Variants in ARHGAP31 observed in about 807,000 individuals in gnomAD.
The protein encoded by ARHGAP31 is rho GTPase-activating protein 31.
ARHGAP31 carries 34 observed loss-of-function variants against 113.9 expected under a neutral mutation model. The ratio of observed to expected loss-of-function variants is 0.30; its 90% CI spans 0.23 to 0.40. The LOEUF (loss-of-function observed/expected upper bound fraction) is 0.40. Among genes scored for constraint, ARHGAP31 ranks in the 10% least tolerant of loss-of-function variants. The pLI is 1.00. For synonymous variants in ARHGAP31, 650 were observed against 684.8 expected, an observed-to-expected ratio of 0.95 and a Z score of 0.79; for missense variants, 1,548 against 1,767.1, an observed-to-expected ratio of 0.88 and a Z score of 2.22.
At chr3:119,352,506 G>A (rs73187858) in intron 1 of ARHGAP31, among the ~76,000 whole-genome samples, 7,504 of 152,212 alleles carry the variant, frequency 0.049, 247 homozygotes, top group Middle Eastern at 0.088. Context: ...TTCCCCTTTC[G>A]TTGACGAACC....
At chr3:119,378,561 TACA>T (rs1160043575) in intron 3 of ARHGAP31, among the ~76,000 whole-genome samples, 1 of 152,218 alleles carries the variant, frequency 6.6e-6, no homozygotes, top group African/African-American at 2.4e-5. Flanking sequence ...GGGTTAGTGG[TACA>T]ACGTTTGTGA....
chr3:119,365,412 G>C lies in ARHGAP31; in HGVS notation c.197G>C (p.Arg66Pro). ...TCAGGAGTCACCTCAAACATACAAC[G>C]GCTAAGGTAAGCTAAAAGAATAGCC... Reference protein sequence around the residue: ...RLSGVTSNIQRLRQEFGSDQC... With the variant: ...RLSGVTSNIQPLRQEFGSDQC... Residue 66 changes from arginine to proline, a missense_variant, in exon 2 of 12, where the codon CGG (arginine) becomes CCG (proline). Arg to Pro is a moderately radical substitution (Grantham distance 103, BLOSUM62 -2). Coordinates refer to ENST00000264245, the MANE Select transcript of ARHGAP31 (RefSeq NM_020754.4). The C allele has an allele frequency of 2.5e-6, 4 of 1,613,418 alleles. No homozygotes were observed. Among genetic ancestry groups the C allele is most frequent in the Non-Finnish European group, 3.4e-6 (4 of 1,179,558 alleles).
rs1366265152 is a variant in ARHGAP31 at position 119,410,282 on chromosome 3, AC to A, written c.1926+508del. ...AAAATACAATGCTGGAGCTGACTAAACCTTGTCTACTTTTTAGAGGTGGAAT... is the reference window on the plus strand; with the variant it reads ...AAAATACAATGCTGGAGCTGACTAAACTTGTCTACTTTTTAGAGGTGGAAT... On this transcript the variant is annotated intron_variant, in intron 11 of 11. Coordinates refer to ENST00000264245, the MANE Select transcript of ARHGAP31 (RefSeq NM_020754.4). 2.6e-5 allele frequency among the ~76,000 whole-genome samples: 4 copies of A among 152,272 alleles called. No individual in the cohort carries two copies. The South Asian group carries it at 6.2e-4, about 24-fold the overall frequency.
At chr3:119,328,717 TGCAACCTCCGCCTCCTGAGTTCAA>T (rs1234548803) in intron 1 of ARHGAP31, among the ~76,000 whole-genome samples, 1 of 152,094 alleles carries the variant, frequency 6.6e-6, no homozygotes, top group Non-Finnish European at 1.5e-5. Context: ...CTTGGCTCAC[TGCAACCTCCGCCTCCTGAGTTCAA>T]GCGATTCTCC....
chr3:119,345,817 A>G (rs1214605234), intron 1 of ARHGAP31, among the ~76,000 whole-genome samples: 7 of 152,180 alleles, frequency 4.6e-5, no homozygotes, highest in Non-Finnish European at 8.8e-5. Flanking sequence ...GGGCCATTCA[A>G]TGAGCTCTGT....
chr3:119,339,374 T>C (rs1489806784), intron 1 of ARHGAP31, among the ~76,000 whole-genome samples: 1 of 152,180 alleles, frequency 6.6e-6, no homozygotes, highest in Non-Finnish European at 1.5e-5. Flanking sequence ...GCAATTCTTA[T>C]CAAAATCCCA....
chr3:119,416,343 G>A lies in ARHGAP31; in HGVS notation c.*79G>A. 1 of 1,595,442 alleles carries A rather than the reference G, an allele frequency of 6.3e-7. No individual in the cohort carries two copies. The highest frequency in any genetic ancestry group is 1.1e-5 in the South Asian group (1 of 90,008). The stretch of plus-strand genomic sequence containing the variant: ...TACAGGGCCAGCTTGCCATATTCCA[G>A]GCACACGTTATCAAGTTTGGGCCTA... On this transcript the variant is annotated 3_prime_UTR_variant, in exon 12 of 12. Coordinates refer to ENST00000264245, the MANE Select transcript of ARHGAP31 (RefSeq NM_020754.4).
intron 1 of ARHGAP31, among the ~76,000 whole-genome samples, chr3:119,324,485 T>C (rs775089952): frequency 1.3e-5 from 2 of 152,176 alleles, no homozygotes; most frequent in Non-Finnish European, 1.5e-5. Context: ...AATAAAAAAT[T>C]AGCAGTCCTA....
rs765739831 is a variant in ARHGAP31, at chr3:119,415,141, G to A, written c.3212G>A (p.Ser1071Asn). Residue 1071 changes from serine (S) to asparagine (N), a missense_variant, in exon 12 of 12, where the codon AGT becomes AAT. By Grantham distance (46) the Ser-to-Asn change is conservative (BLOSUM62 1). Transcript: ENST00000264245. ...CCTGGGCCAGAGAGCAGCAAGGAGA[G>A]TTCACCCAGCGTGCAGGACAGCACT... ...GVPGPESSKESSPSVQDSTSP... is the reference protein window; with the variant it reads ...GVPGPESSKENSPSVQDSTSP... 4 of 1,614,186 alleles carry A rather than the reference G, an allele frequency of 2.5e-6. No individual in the cohort carries two copies. Among genetic ancestry groups the A allele is most frequent in the Non-Finnish European group, 3.4e-6 (4 of 1,180,036 alleles).
chr3:119,314,577 TGGA>T (rs942005377), intron 1 of ARHGAP31: 2 of 152,038 alleles, frequency 1.3e-5, no homozygotes, highest in African/African-American at 4.8e-5. Flanking sequence ...GAGGTGGAGG[TGGA>T]GGAGTGTGTT....
intron 3 of ARHGAP31, among the ~76,000 whole-genome samples, chr3:119,378,017 C>T (rs939572216): frequency 6.6e-6 from 1 of 152,076 alleles, no homozygotes; most frequent in East Asian, 1.9e-4. Context: ...AGGGTCCTAC[C>T]ACAGAGGACA....
At chr3:119,302,223 T>C (rs7625392) in intron 1 of ARHGAP31, among the ~76,000 whole-genome samples, 45,590 of 152,110 alleles carry the variant, frequency 0.3, 7,672 homozygotes, top group African/African-American at 0.46. Context: ...TCAGTGAGGG[T>C]CACAGCCTGC....
At chr3:119,296,254 GA>G (rs2079532884) in intron 1 of ARHGAP31, among the ~76,000 whole-genome samples, 1 of 152,216 alleles carries the variant, frequency 6.6e-6, no homozygotes, top group Non-Finnish European at 1.5e-5. Flanking sequence ...GTGTCATTAG[GA>G]CAAATAGCTT....
intron 1 of ARHGAP31, among the ~76,000 whole-genome samples, chr3:119,328,101 T>A (rs1007984593): frequency 9.2e-5 from 14 of 152,128 alleles, no homozygotes; most frequent in Non-Finnish European, 1.8e-4. Context: ...AAATCAGATT[T>A]AAAAAAAATT....
chr3:119,348,472 G>A (rs114206167), intron 1 of ARHGAP31, among the ~76,000 whole-genome samples: 2,479 of 152,074 alleles, frequency 0.016, 73 homozygotes, highest in African/African-American at 0.056. Context: ...GTAATCCTTC[G>A]TATCATCTTC....
chr3:119,409,606 G>A lies in ARHGAP31; in HGVS notation c.1756G>A (p.Glu586Lys), dbSNP rs1232621924. 3 of 1,613,914 alleles carry A rather than the reference G, an allele frequency of 1.9e-6. No homozygotes were observed. Among genetic ancestry groups the A allele is most frequent in the Non-Finnish European group, 2.5e-6 (3 of 1,179,956 alleles). ...LSQEPGAHLE[E>K]KKTPESSLSS... is the part of the protein sequence containing the mutation. The stretch of plus-strand genomic sequence containing the variant: ...CCAGGAGCCAGGCGCCCACCTGGAG[G>A]AGAAGAAAACCCCAGAAAGCTCCTT... Residue 586 changes from glutamate to lysine, a missense_variant, in exon 11 of 12, where the codon GAG (glutamate) becomes AAG (lysine). Physicochemically the swap from Glu to Lys is moderately conservative, Grantham distance 56. Coordinates refer to ENST00000264245, the MANE Select transcript of ARHGAP31 (RefSeq NM_020754.4).
chr3:119,356,193 C>T (rs2080156005), intron 1 of ARHGAP31, among the ~76,000 whole-genome samples: 1 of 152,224 alleles, frequency 6.6e-6, no homozygotes. Flanking sequence ...CTCTCTCTTA[C>T]TCAAAGGGCT....
intron 9 of ARHGAP31, 47 bp from the exon 10 acceptor site, chr3:119,401,775 G>T (rs2080610008): frequency 5.0e-6 from 8 of 1,586,878 alleles, no homozygotes; most frequent in Admixed American, 1.7e-5. Context: ...GCCTGCTATT[G>T]TATGTGTGCC....
chr3:119,358,551 T>A (rs371650803), intron 1 of ARHGAP31, among the ~76,000 whole-genome samples: 1 of 152,086 alleles, frequency 6.6e-6, no homozygotes, highest in East Asian at 1.9e-4. Flanking sequence ...TACGTAAAGG[T>A]TCATAGCAAC....
Sources: allele counts gnomAD v4.1 joint callset (sites outside exome capture counted in the v4.1 genomes callset), GRCh38; gene constraint gnomAD v4.1.1; transcripts MANE v1.5; gene names NCBI Gene and HGNC (gene_info 2026-07-23, HGNC 2026-07-21).